SGK1: variants seen among roughly 807,000 people sequenced by gnomAD.
SGK1 encodes the protein serine/threonine-protein kinase Sgk1.
A neutral mutation model predicts 64.2 loss-of-function variants in SGK1; 26 were observed. That is an observed-to-expected ratio of 0.40 (90% CI 0.30 to 0.56). SGK1 has a LOEUF of 0.56. SGK1 is among the 20% of genes least tolerant of loss of function. SGK1 has a pLI of 0.38. For missense variants in SGK1, 519 were observed against 645.6 expected, an observed-to-expected ratio of 0.80 and a Z score of 2.12; for synonymous variants, 265 against 239.7, an observed-to-expected ratio of 1.11 and a Z score of -0.98.
At chr6:134,221,591 T>C (rs1562255838) in intron 2 of SGK1, among the ~76,000 whole-genome samples, 3 of 152,188 alleles carry the variant, frequency 2.0e-5, no homozygotes. Context: ...ATTTTCTAAT[T>C]TGCTTTGTTT....
At chr6:134,174,719 T>C (rs761614542) in intron 3 of SGK1, 133 bp from the exon 4 acceptor site, 4 of 1,614,098 alleles carry the variant, frequency 2.5e-6, no homozygotes, top group South Asian at 2.2e-5. Flanking sequence ...TCCCGCAAGA[T>C]TCCTGCACTC....
intron 3 of SGK1, among the ~76,000 whole-genome samples, chr6:134,205,818 A>G (rs1294530823): frequency 2.0e-5 from 3 of 152,222 alleles, no homozygotes; most frequent in Non-Finnish European, 4.4e-5. Flanking sequence ...ATCAGATATC[A>G]GCGTGAGTTT....
At chr6:134,170,675 C>A (rs368976268) in intron 13 of SGK1, 151 bp downstream of exon 13, 18 of 717,774 alleles carry the variant, frequency 2.5e-5, no homozygotes, top group Non-Finnish European at 2.8e-5. Flanking sequence ...CTTGTTGGGA[C>A]ACAAAAATGT....
chr6:134,270,188 A>C (rs1363080321), intron 1 of SGK1, among the ~76,000 whole-genome samples: 1 of 147,680 alleles, frequency 6.8e-6, no homozygotes, highest in Non-Finnish European at 1.5e-5. Context: ...CCCAATCCCA[A>C]GCCTGTTGGG....
chr6:134,296,977 G>T (rs1354332384), intron 1 of SGK1: 4 of 420,620 alleles, frequency 9.5e-6, no homozygotes, highest in Non-Finnish European at 1.9e-5. Flanking sequence ...GGCAGGCTGG[G>T]AGGGGCTGCC....
In SGK1 at chr6:134,269,034, G is replaced by T. The variant is rs374932215; in HGVS notation, c.70-6886C>A. The stretch of plus-strand genomic sequence containing the variant: ...TTAAAGAGATTGGCTGGCTTCTAGG[G>T]ATTTTCCACTTGTGGTTTTTTCCTA... On this transcript the variant is annotated intron_variant, in intron 1 of 13. Coordinates refer to ENST00000367858, the MANE Select transcript of SGK1 (RefSeq NM_001143676.3). Among the ~76,000 whole-genome samples, 9 of 146,864 alleles carry T rather than the reference G, an allele frequency of 6.1e-5. 1 individual carries two copies. In the East Asian group the frequency reaches 9.8e-4, roughly 16 times the overall value.
intron 2 of SGK1, chr6:134,260,938 T>G (rs1776758037): frequency 6.6e-6 from 1 of 152,208 alleles, no homozygotes; most frequent in Non-Finnish European, 1.5e-5. Context: ...TTCTAAATAT[T>G]GTATTTTTAT....
chr6:134,185,896 GGA>G (rs1340376609), intron 3 of SGK1, among the ~76,000 whole-genome samples: 1 of 152,092 alleles, frequency 6.6e-6, no homozygotes, highest in Non-Finnish European at 1.5e-5. Flanking sequence ...CCCAGTTCCA[GGA>G]GAGTGAGTGA....
At position 134,258,752 on chromosome 6, in the gene SGK1, A is replaced by C. The variant is rs1776721269; in HGVS notation, c.285+3181T>G. On this transcript the variant is annotated intron_variant, in intron 2 of 13. Transcript: ENST00000367858. ...AAAAAGGCTTAGGCCTGTAATCCGA[A>C]CACCCAAGCGGGGGCAGATCTCTTG... 5.9e-5 allele frequency among the ~76,000 whole-genome samples: 9 copies of C among 152,192 alleles called. No homozygotes were observed. The South Asian group carries it at 1.9e-3, about 32-fold the overall frequency.
intron 1 of SGK1, among the ~76,000 whole-genome samples, chr6:134,311,587 G>T (rs1777609282): frequency 6.6e-6 from 1 of 152,196 alleles, no homozygotes; most frequent in Non-Finnish European, 1.5e-5. Flanking sequence ...GGAGCCAGAG[G>T]TTGCAGTGAG....
intron 1 of SGK1, among the ~76,000 whole-genome samples, chr6:134,273,244 A>G (rs1776967012): frequency 6.8e-6 from 1 of 147,362 alleles, no homozygotes; most frequent in Admixed American, 7.0e-5. Context: ...ACAAAGGGCC[A>G]TTGGAGAAAA....
intron 1 of SGK1, among the ~76,000 whole-genome samples, chr6:134,288,589 CAT>C (rs1777218841): frequency 6.6e-6 from 1 of 152,126 alleles, no homozygotes; most frequent in Admixed American, 6.5e-5. Flanking sequence ...AAGGGGAACA[CAT>C]GTGAAGGTAG....
intron 2 of SGK1, chr6:134,261,152 G>C (rs1227997128): frequency 2.0e-5 from 3 of 152,150 alleles, no homozygotes; most frequent in Non-Finnish European, 4.4e-5. Context: ...GGGAAAATAA[G>C]TCTTAGTAAA....
intron 1 of SGK1, among the ~76,000 whole-genome samples, chr6:134,302,935 A>G (rs954733788): frequency 6.6e-6 from 1 of 151,968 alleles, no homozygotes; most frequent in African/African-American, 2.4e-5. Flanking sequence ...TTATGTTTTT[A>G]GTCGAGAAAG....
chr6:134,294,048 T>C (rs1437186899), intron 1 of SGK1, among the ~76,000 whole-genome samples: 1 of 152,200 alleles, frequency 6.6e-6, no homozygotes, highest in African/African-American at 2.4e-5. Context: ...TGCAAGTTTT[T>C]CTGAACATGT....
chr6:134,185,555 A>AGTGTGTGTGTGTGTGTGTGTGT (rs55653141), intron 3 of SGK1, among the ~76,000 whole-genome samples: 15 of 145,314 alleles, frequency 1.0e-4, no homozygotes, highest in Non-Finnish European at 2.0e-4. Flanking sequence ...TATCTCTATG[A>AGTGTGTGTGTGTGTGTGTGTGT]GTGTGTGTGT....
At chr6:134,235,540 TTTTTATTTA>T (rs1257995181) in intron 2 of SGK1, among the ~76,000 whole-genome samples, 16,361 of 76,370 alleles carry the variant, frequency 0.21, 1,204 homozygotes, top group African/African-American at 0.3. Flanking sequence ...AAAATAGATA[TTTTTATTTA>T]TTTATTTATT....
rs1775145513 is a variant in SGK1 at position 134,174,504 on chromosome 6, A to C, written c.437+7T>G. ...CTAGTTATTTCCTCAAATCCGGTCA[A>C]ACTTACTGTTTGCATGCATAGGAGT... On this transcript the variant is annotated splice_region_variant and intron_variant, in intron 4 of 13. Transcript: ENST00000367858. The C allele has an allele frequency of 1.2e-6, 2 of 1,607,626 alleles. No individual in the cohort carries two copies. The highest frequency in any genetic ancestry group is 1.3e-5 in the African/African-American group (1 of 74,822).
chr6:134,265,813 T>C (rs901495699), intron 1 of SGK1, among the ~76,000 whole-genome samples: 2 of 150,678 alleles, frequency 1.3e-5, no homozygotes, highest in African/African-American at 4.9e-5. Flanking sequence ...ATATATACAT[T>C]TCTTTAAAAA....
Sources: allele counts gnomAD v4.1 joint callset (sites outside exome capture counted in the v4.1 genomes callset), GRCh38; gene constraint gnomAD v4.1.1; transcripts MANE v1.5; gene names NCBI Gene and HGNC (gene_info 2026-07-23, HGNC 2026-07-21).